Variants in RBFOX1 observed in about 807,000 individuals in gnomAD.
The protein encoded by RBFOX1 is RNA binding protein fox-1 homolog 1.
A neutral mutation model predicts 57.7 loss-of-function variants in RBFOX1; 8 were observed. The observed-to-expected ratio is 0.14, with a 90% CI of 0.08 to 0.25. The LOEUF (loss-of-function observed/expected upper bound fraction) is 0.25. RBFOX1 is among the 10% of genes least tolerant of loss of function. The pLI is 1.00. For missense variants in RBFOX1, 611 were observed against 548.5 expected (o/e 1.11, Z -1.14); for synonymous variants, 326 against 222.4 (o/e 1.47, Z -4.15).
chr16:6,053,653 A>G (rs1184955590), intron 1 of RBFOX1, among the ~76,000 whole-genome samples: 1 of 152,156 alleles, frequency 6.6e-6, no homozygotes, highest in African/African-American at 2.4e-5. Context: ...TTAAATAAAT[A>G]AAACATTTTT....
chr16:6,930,580 T>C (rs1011390664), intron 3 of RBFOX1, among the ~76,000 whole-genome samples: 6 of 152,050 alleles, frequency 3.9e-5, no homozygotes, highest in Admixed American at 2.0e-4. Flanking sequence ...TGGCTAATTT[T>C]GGTACTTTTA....
chr16:5,618,378 C>G (rs2048107730), intron 3 of RBFOX1, among the ~76,000 whole-genome samples: 1 of 151,956 alleles, frequency 6.6e-6, no homozygotes, highest in Non-Finnish European at 1.5e-5. Flanking sequence ...CGCTCTGTCA[C>G]CCAGGCTGCA....
At chr16:6,486,082 C>CTTTTTTTTT (rs71145234) in intron 2 of RBFOX1, among the ~76,000 whole-genome samples, 6 of 62,964 alleles carry the variant, frequency 9.5e-5, no homozygotes, top group African/African-American at 2.1e-4. Flanking sequence ...CAGTAAAAGG[C>CTTTTTTTTT]TTTTTTTTTT....
At chr16:6,918,997 T>C (rs1460034083) in intron 3 of RBFOX1, among the ~76,000 whole-genome samples, 5 of 152,188 alleles carry the variant, frequency 3.3e-5, no homozygotes, top group Admixed American at 6.5e-5. Flanking sequence ...TTGTTTGTTT[T>C]TGAGGCAGAG....
chr16:5,947,979 C>G lies in RBFOX1; in HGVS notation c.351+80644C>G, dbSNP rs761454814. Reference sequence around the variant, plus strand: ...ATTCTTGATTGAATTCCCTTTTGACCGTGGCGCTGAGGACATATGTTCATA... The same window carrying G: ...ATTCTTGATTGAATTCCCTTTTGACGGTGGCGCTGAGGACATATGTTCATA... On this transcript the variant is annotated intron_variant, in intron 4 of 19. Transcript: ENST00000641259. This position sits in a 1 kb window ranked among gnomAD's most constrained non-coding sequence, Gnocchi z 7.2. Among the ~76,000 whole-genome samples, 4 of 152,142 alleles carry G rather than the reference C, an allele frequency of 2.6e-5. No individual in the cohort carries two copies. The South Asian group carries it at 8.3e-4, about 32-fold the overall frequency.
intron 4 of RBFOX1, among the ~76,000 whole-genome samples, chr16:7,245,332 A>G (rs1041776230): frequency 6.6e-6 from 1 of 151,802 alleles, no homozygotes; most frequent in African/African-American, 2.4e-5. Flanking sequence ...TTTAAATTTT[A>G]TTTTAGGTTC....
At chr16:5,871,522 A>G (rs538855800) in intron 4 of RBFOX1, among the ~76,000 whole-genome samples, 12 of 152,332 alleles carry the variant, frequency 7.9e-5, no homozygotes, top group Non-Finnish European at 1.6e-4. Context: ...GCAAAAACGC[A>G]TACACATTTC....
intron 1 of RBFOX1, among the ~76,000 whole-genome samples, chr16:6,140,881 C>G (rs1447536694): frequency 6.6e-6 from 1 of 152,186 alleles, no homozygotes; most frequent in Non-Finnish European, 1.5e-5. Flanking sequence ...CCCTTTTAAT[C>G]TGAGTGCTGT....
At chr16:6,779,260 A>G (rs1030915703) in intron 3 of RBFOX1, among the ~76,000 whole-genome samples, 2 of 152,054 alleles carry the variant, frequency 1.3e-5, no homozygotes, top group African/African-American at 2.4e-5. Flanking sequence ...GTATGAGCAC[A>G]TGCAATATTT....
intron 4 of RBFOX1, among the ~76,000 whole-genome samples, chr16:7,237,899 G>T (rs1017601390): frequency 6.6e-6 from 1 of 152,188 alleles, no homozygotes; most frequent in Non-Finnish European, 1.5e-5. Context: ...AGCTACTCAG[G>T]AGGCTGAAGC....
intron 4 of RBFOX1, among the ~76,000 whole-genome samples, chr16:7,484,006 C>T (rs551339464): frequency 3.9e-5 from 6 of 152,300 alleles, no homozygotes; most frequent in South Asian, 4.1e-4. Context: ...ATTCTGCCCC[C>T]CCATTCCCTA....
chr16:6,231,399 A>G (rs1567730735), intron 1 of RBFOX1, among the ~76,000 whole-genome samples: 1 of 152,164 alleles, frequency 6.6e-6, no homozygotes, highest in Admixed American at 6.6e-5. Context: ...ATGTTGCCCA[A>G]AGAATCCCAT....
At chr16:6,268,273 C>T (rs1354341709) in intron 1 of RBFOX1, among the ~76,000 whole-genome samples, 1 of 152,178 alleles carries the variant, frequency 6.6e-6, no homozygotes, top group East Asian at 1.9e-4. Flanking sequence ...AAACTCATTT[C>T]CCTGCTAGCA....
chr16:6,422,278 G>C (rs2152990590), intron 2 of RBFOX1, among the ~76,000 whole-genome samples: 1 of 150,990 alleles, frequency 6.6e-6, no homozygotes, highest in East Asian at 2.0e-4. Flanking sequence ...GGTACATGTA[G>C]GTGCAGGTTT....
At chr16:5,610,063 G>A (rs764896000) in intron 3 of RBFOX1, among the ~76,000 whole-genome samples, 13 of 152,114 alleles carry the variant, frequency 8.5e-5, no homozygotes, top group Non-Finnish European at 1.8e-4. Context: ...ACCACCCTCT[G>A]ACATCCAGTG....
rs576547107 is a variant in RBFOX1, at chr16:6,031,085, A to G, written c.-127+11093A>G. ...CAACAGAATGGAGCATTCATGTAATAAAAGAGTGAGTGACCCTGTTCGGTA... is the reference window on the plus strand; with the variant it reads ...CAACAGAATGGAGCATTCATGTAATGAAAGAGTGAGTGACCCTGTTCGGTA... On this transcript the variant is annotated intron_variant, in intron 1 of 15. Transcript: ENST00000550418. Among the ~76,000 whole-genome samples, 3 of 152,328 alleles carry G rather than the reference A, an allele frequency of 2.0e-5. No homozygotes were observed. In the South Asian group the frequency reaches 6.2e-4, roughly 32 times the overall value.
chr16:6,467,642 A>G (rs2095079986), intron 2 of RBFOX1, among the ~76,000 whole-genome samples: 1 of 152,186 alleles, frequency 6.6e-6, no homozygotes, highest in Admixed American at 6.5e-5. Flanking sequence ...CAGGAAATAG[A>G]CAGCTAATGT....
chr16:5,791,183 G>C (rs1421406220), intron 3 of RBFOX1, among the ~76,000 whole-genome samples: 2 of 151,908 alleles, frequency 1.3e-5, no homozygotes, highest in Non-Finnish European at 2.9e-5. Context: ...ATTTTAATTT[G>C]TCACGCATGA....
chr16:7,022,054 C>CCCCCTCCCCTTT (rs2039443013), intron 3 of RBFOX1, among the ~76,000 whole-genome samples: 1 of 101,616 alleles, frequency 9.8e-6, no homozygotes, highest in Non-Finnish European at 2.0e-5. Context: ...CCCTCCCCTT[C>CCCCCTCCCCTTT]CCCCTCCCCT....
Sources: gnomAD v4.1 joint callset for allele counts (sites outside exome capture counted in the v4.1 genomes callset) on GRCh38, gnomAD v4.1.1 for gene constraint, Gnocchi (gnomAD v3.1) non-coding constraint, MANE v1.5 for transcripts, NCBI Gene and HGNC (gene_info 2026-07-23, HGNC 2026-07-21) for gene names.